The following CDYL2 variants were observed in gnomAD, a reference collection of about 807,000 sequenced individuals.
CDYL2 encodes chromodomain Y-like protein 2.
In CDYL2, 23 loss-of-function variants were observed where a neutral mutation model predicts 49.4. The observed-to-expected ratio is 0.47, with a 90% CI of 0.34 to 0.66. CDYL2 has a LOEUF of 0.66. Ranked by LOEUF, CDYL2 falls within the 30% of genes least tolerant of loss-of-function variation. CDYL2 has a pLI of 0.01. For synonymous variants in CDYL2, 360 were observed against 268.8 expected (o/e 1.34, Z -3.32); for missense variants, 678 against 656.4 (o/e 1.03, Z -0.36).
intron 2 of CDYL2, among the ~76,000 whole-genome samples, chr16:80,644,403 G>A (rs924787723): frequency 2.0e-5 from 3 of 152,162 alleles, no homozygotes; most frequent in Non-Finnish European, 2.9e-5. Context: ...ATCTCTGCCT[G>A]TTACCCAGTT....
At chr16:80,618,156 C>G (rs1906914804) in intron 4 of CDYL2, among the ~76,000 whole-genome samples, 1 of 152,212 alleles carries the variant, frequency 6.6e-6, no homozygotes, top group Admixed American at 6.5e-5. Context: ...GCCATCTTGC[C>G]CTGTGCTCTG....
intron 1 of CDYL2, among the ~76,000 whole-genome samples, chr16:80,749,352 T>C (rs892311625): frequency 7.2e-5 from 11 of 152,198 alleles, no homozygotes; most frequent in Admixed American, 3.3e-4. Context: ...GTCACAACTT[T>C]TCACAATAAC....
chr16:80,706,414 C>G (rs1175875176), intron 1 of CDYL2, among the ~76,000 whole-genome samples: 2 of 152,164 alleles, frequency 1.3e-5, no homozygotes, highest in Non-Finnish European at 2.9e-5. Context: ...ATCTAGGCCT[C>G]CACCCTATAA....
intron 2 of CDYL2, among the ~76,000 whole-genome samples, chr16:80,670,060 C>A (rs1222041698): frequency 5.9e-5 from 9 of 152,210 alleles, no homozygotes; most frequent in Non-Finnish European, 1.2e-4. Flanking sequence ...GTAGCTCATG[C>A]CACTGGTGGG....
chr16:80,665,384 C>T (rs987292851), intron 2 of CDYL2, among the ~76,000 whole-genome samples: 2 of 151,926 alleles, frequency 1.3e-5, no homozygotes, highest in African/African-American at 4.8e-5. Flanking sequence ...TGGGCTGTAT[C>T]CTCAGCACTC....
At position 80,733,633 on chromosome 16, in the gene CDYL2, G is replaced by C. The variant is rs1201708059; in HGVS notation, c.25-48504C>G. The stretch of plus-strand genomic sequence containing the variant: ...GTATCTTGGATGTGCCTCTTCGCAA[G>C]TGCTTTCTCAATAAACTCAAGTAAA... On this transcript the variant is annotated intron_variant, in intron 1 of 6. Transcript: ENST00000570137. Among the ~76,000 whole-genome samples, 10 of 152,274 alleles carry C rather than the reference G, an allele frequency of 6.6e-5. No individual in the cohort carries two copies. The South Asian group carries it at 1.2e-3, about 19-fold the overall frequency.
intron 2 of CDYL2, 113 bp from the exon 3 acceptor site, chr16:80,633,349 AC>A: frequency 9.7e-7 from 1 of 1,032,004 alleles, no homozygotes; most frequent in Non-Finnish European, 1.4e-6. Flanking sequence ...GCTGGGACAC[AC>A]CACCTTCTCC....
intron 1 of CDYL2, among the ~76,000 whole-genome samples, chr16:80,801,239 T>C (rs909300783): frequency 1.3e-5 from 2 of 152,214 alleles, no homozygotes; most frequent in African/African-American, 4.8e-5. Flanking sequence ...CACCAGAAGA[T>C]GATGAGAACT....
chr16:80,674,290 G>T (rs1057253185), intron 2 of CDYL2, among the ~76,000 whole-genome samples: 1 of 152,164 alleles, frequency 6.6e-6, no homozygotes, highest in Admixed American at 6.5e-5. Context: ...ATTTTCCAGT[G>T]TAGAAATGGG....
intron 3 of CDYL2, among the ~76,000 whole-genome samples, chr16:80,629,330 G>C (rs1371448979): frequency 6.6e-6 from 1 of 152,234 alleles, no homozygotes; most frequent in Non-Finnish European, 1.5e-5. Context: ...GTAGTGGACT[G>C]TAATGGTTAT....
intron 2 of CDYL2, among the ~76,000 whole-genome samples, chr16:80,663,551 A>C (rs1044518122): frequency 5.9e-5 from 9 of 152,112 alleles, no homozygotes; most frequent in Non-Finnish European, 8.8e-5. Context: ...ACTACATCCA[A>C]CACCTCTAAG....
chr16:80,758,809 C>T (rs1011992233), intron 1 of CDYL2, among the ~76,000 whole-genome samples: 12 of 151,344 alleles, frequency 7.9e-5, no homozygotes, highest in Admixed American at 5.3e-4. Flanking sequence ...CCCAAAGTGC[C>T]GGGATTACAG....
intron 1 of CDYL2, among the ~76,000 whole-genome samples, chr16:80,749,351 T>C (rs1056372311): frequency 6.6e-6 from 1 of 152,148 alleles, no homozygotes; most frequent in Admixed American, 6.5e-5. Context: ...AGTCACAACT[T>C]TTCACAATAA....
chr16:80,726,237 T>G (rs1432836665), intron 1 of CDYL2, among the ~76,000 whole-genome samples: 2 of 152,210 alleles, frequency 1.3e-5, no homozygotes, highest in African/African-American at 4.8e-5. Context: ...TTGAGGAACA[T>G]TTTGTAACTC....
chr16:80,716,679 G>T (rs2142519080), intron 1 of CDYL2, among the ~76,000 whole-genome samples: 1 of 151,872 alleles, frequency 6.6e-6, no homozygotes, highest in Admixed American at 6.5e-5. Flanking sequence ...TGATTGGATG[G>T]ATAACAGAGG....
At chr16:80,697,018 AT>A (rs1234176034) in intron 1 of CDYL2, among the ~76,000 whole-genome samples, 1 of 152,186 alleles carries the variant, frequency 6.6e-6, no homozygotes, top group Non-Finnish European at 1.5e-5. Flanking sequence ...TAAAAAAAAA[AT>A]AAGTAAAGTA....
At chr16:80,718,684 G>A (rs1308937413) in intron 1 of CDYL2, among the ~76,000 whole-genome samples, 1 of 152,188 alleles carries the variant, frequency 6.6e-6, no homozygotes, top group Non-Finnish European at 1.5e-5. Flanking sequence ...GACACTCAAG[G>A]CCACAGCAGT....
intron 2 of CDYL2, among the ~76,000 whole-genome samples, chr16:80,672,782 G>T (rs749490650): frequency 1.3e-5 from 2 of 152,174 alleles, no homozygotes; most frequent in Non-Finnish European, 2.9e-5. Context: ...GATTAACAGA[G>T]CTGCTAAATG....
At chr16:80,800,310 C>T (rs887067248) in intron 1 of CDYL2, among the ~76,000 whole-genome samples, 13 of 152,138 alleles carry the variant, frequency 8.5e-5, no homozygotes, top group African/African-American at 2.4e-4. Context: ...TCAATAAAAT[C>T]GTCTCTCTTA....
Sources: gnomAD v4.1 joint callset for allele counts (sites outside exome capture counted in the v4.1 genomes callset) on GRCh38, gnomAD v4.1.1 for gene constraint, MANE v1.5 for transcripts, NCBI Gene and HGNC (gene_info 2026-07-23, HGNC 2026-07-21) for gene names.